Variants in IL31RA observed in about 807,000 individuals in gnomAD.
The protein encoded by IL31RA is interleukin 31 receptor A, also known as interleukin-31 receptor subunit alpha.
A neutral mutation model predicts 83.7 loss-of-function variants in IL31RA; 66 were observed. The ratio of observed to expected loss-of-function variants is 0.79; its 90% CI spans 0.65 to 0.97. IL31RA has a LOEUF of 0.97. Ranked by LOEUF, IL31RA falls within the 50% of genes least tolerant of loss-of-function variation. IL31RA has a pLI of 0.00. For missense variants in IL31RA, 798 were observed against 919.4 expected (o/e 0.87, Z 1.71); for synonymous variants, 325 against 329.0 (o/e 0.99, Z 0.13).
chr5:55,849,944 A>G (rs1200778663), upstream of IL31RA, among the ~76,000 whole-genome samples: 3 of 152,308 alleles, frequency 2.0e-5, no homozygotes, highest in Non-Finnish European at 4.4e-5. Context: ...TGGAAAATGC[A>G]GTTTCAAGAA....
chr5:55,857,236 C>G (rs1407733514), intron 1 of IL31RA, among the ~76,000 whole-genome samples: 1 of 152,098 alleles, frequency 6.6e-6, no homozygotes, highest in Non-Finnish European at 1.5e-5. Context: ...ATAGCTGAGA[C>G]TACAGGCACA....
rs1353872071 is a variant in IL31RA at position 55,920,275 on chromosome 5, A to T, written c.*3155A>T. On this transcript the variant is annotated 3_prime_UTR_variant, in exon 15 of 15. Coordinates refer to ENST00000652347, the MANE Select transcript of IL31RA (RefSeq NM_139017.7). ...GTGCTGGCCTGTCCACCCCAGTCTG[A>T]TTCTGTCCCCATTTCCAGCACGCCC... is the stretch of plus-strand genomic sequence containing the variant. 6.6e-6 allele frequency among the ~76,000 whole-genome samples: 1 copy of T among 152,164 alleles called. No homozygotes were observed. The highest frequency in any genetic ancestry group is 1.5e-5 in the Non-Finnish European group (1 of 68,024).
intron 8 of IL31RA, among the ~76,000 whole-genome samples, chr5:55,904,650 G>A (rs1002846354): frequency 1.3e-5 from 2 of 152,150 alleles, no homozygotes; most frequent in Non-Finnish European, 2.9e-5. Flanking sequence ...CCCCTGGAGT[G>A]TCTCATAAGG....
intron 4 of IL31RA, among the ~76,000 whole-genome samples, chr5:55,876,136 G>A (rs759219011): frequency 1.5e-4 from 23 of 152,136 alleles, no homozygotes; most frequent in Admixed American, 4.6e-4. Context: ...GGGCTGGCGC[G>A]GTGGCTCATG....
rs1405317744 is a variant in IL31RA at position 55,903,101 on chromosome 5, A to T, written c.1069+2969A>T. ...TTCCCCTCTTGGAATAAGGGCTTGG[A>T]ATGAGGTTCCTTCTGCTCAGCACGC... On this transcript the variant is annotated intron_variant, in intron 8 of 14. Coordinates refer to ENST00000652347, the MANE Select transcript of IL31RA (RefSeq NM_139017.7). The surrounding 1 kb of genome is among the most constrained non-coding windows in gnomAD (Gnocchi z 4.7). 1.3e-5 allele frequency among the ~76,000 whole-genome samples: 2 copies of T among 152,160 alleles called. No homozygotes were observed. Among genetic ancestry groups the T allele is most frequent in the Non-Finnish European group, 2.9e-5 (2 of 68,018 alleles).
In IL31RA at chr5:55,900,209, G is replaced by T. The variant is rs186598190; in HGVS notation, c.1069+77G>T. 2,894 of 1,043,740 alleles carry T rather than the reference G, an allele frequency of 2.8e-3. 8 individuals are homozygous for T. Among genetic ancestry groups the T allele is most frequent in the Middle Eastern group, 0.011 (48 of 4,196 alleles). The allele number at this position is 1,043,740 out of a possible 1,614,324, so 64.7% of individuals were successfully genotyped here. On this transcript the variant is annotated intron_variant, in intron 8 of 14. Transcript: ENST00000652347. ...AAGGAGCAGTCCCTGTGCTCTCAAG[G>T]GTGGCTGTTTCTCTTGAGTCAAAAT...
intron 7 of IL31RA, among the ~76,000 whole-genome samples, chr5:55,897,278 C>T (rs933080578): frequency 2.0e-5 from 3 of 151,138 alleles, no homozygotes; most frequent in African/African-American, 7.3e-5. Flanking sequence ...ATTGGTTGGC[C>T]AGCTCAAAAA....
chr5:55,909,588 T>TA lies in IL31RA; in HGVS notation c.1502-936dup, dbSNP rs201468259. Among the ~76,000 whole-genome samples, 788 of 152,188 alleles carry TA rather than the reference T, an allele frequency of 5.2e-3. 10 individuals are homozygous for TA. Among genetic ancestry groups the TA allele is most frequent in the African/African-American group, 0.018 (753 of 41,514 alleles). ...CTTGTCAATACGTGTTATTTTTCAT[T>TA]AAAAAAAATTATTATGGCTGTCCTG... On this transcript the variant is annotated intron_variant, in intron 11 of 14. Coordinates refer to ENST00000652347, the MANE Select transcript of IL31RA (RefSeq NM_139017.7).
At chr5:55,842,810 A>G in the IL31RA span, among the ~76,000 whole-genome samples, 1 of 152,134 alleles carries the variant, frequency 6.6e-6, no homozygotes, top group African/African-American at 2.4e-5. Flanking sequence ...ATTGCGTTGA[A>G]AGTCTGGGCT....
the IL31RA span, among the ~76,000 whole-genome samples, chr5:55,845,544 T>C: frequency 2.6e-5 from 4 of 152,182 alleles, no homozygotes; most frequent in Non-Finnish European, 5.9e-5. Context: ...AATTGGAACA[T>C]GGGGGCTATT....
At chr5:55,884,325 C>T (rs750728796) in intron 5 of IL31RA, among the ~76,000 whole-genome samples, 16 of 152,100 alleles carry the variant, frequency 1.1e-4, no homozygotes, top group Non-Finnish European at 2.2e-4. Context: ...TGCTTAATGC[C>T]TTTTGTGTCT....
At chr5:55,888,790 A>G (rs976247967) in intron 5 of IL31RA, among the ~76,000 whole-genome samples, 4 of 152,174 alleles carry the variant, frequency 2.6e-5, no homozygotes, top group East Asian at 1.9e-4. Flanking sequence ...CCTGGGATTT[A>G]GCCCCCAAAG....
intron 13 of IL31RA, 44 bp from the exon 14 acceptor site, chr5:55,914,803 C>A (rs747776370): frequency 1.5e-6 from 2 of 1,377,054 alleles, no homozygotes; most frequent in Non-Finnish European, 2.1e-6. Context: ...GGTGCTAATG[C>A]TTCTTGGATT....
At chr5:55,884,501 TG>T (rs1265475891) in intron 5 of IL31RA, among the ~76,000 whole-genome samples, 1 of 152,170 alleles carries the variant, frequency 6.6e-6, no homozygotes, top group Non-Finnish European at 1.5e-5. Context: ...GTGGTGTGAT[TG>T]CAGCTCATTG....
At chr5:55,846,010 CTT>C in the IL31RA span, among the ~76,000 whole-genome samples, 1 of 152,150 alleles carries the variant, frequency 6.6e-6, no homozygotes, top group Admixed American at 6.5e-5. Flanking sequence ...GTTTTTGACT[CTT>C]ATACTTGTCC....
At chr5:55,892,672 C>G (rs1748075042) in intron 6 of IL31RA, among the ~76,000 whole-genome samples, 1 of 152,166 alleles carries the variant, frequency 6.6e-6, no homozygotes, top group Non-Finnish European at 1.5e-5. Context: ...CTAGCTCTTC[C>G]CCTGCCATGG....
At chr5:55,867,652 G>A (rs991737450) in intron 2 of IL31RA, among the ~76,000 whole-genome samples, 4 of 151,902 alleles carry the variant, frequency 2.6e-5, no homozygotes, top group Admixed American at 6.6e-5. Flanking sequence ...CCATTTTCAC[G>A]CTGCTGATAA....
intron 5 of IL31RA, among the ~76,000 whole-genome samples, chr5:55,886,246 A>AGCTTGCTT (rs1201794429): frequency 1.1e-4 from 15 of 131,398 alleles, no homozygotes; most frequent in Admixed American, 3.0e-4. Flanking sequence ...CTCCTTAGCT[A>AGCTTGCTT]GCTTGCTTGC....
At chr5:55,889,336 C>T (rs1747836290) in intron 5 of IL31RA, among the ~76,000 whole-genome samples, 1 of 152,156 alleles carries the variant, frequency 6.6e-6, no homozygotes, top group African/African-American at 2.4e-5. Context: ...TCTTTCCTCC[C>T]CAAGAGAGTA....
Sources: gnomAD v4.1 joint callset for allele counts (sites outside exome capture counted in the v4.1 genomes callset) on GRCh38, gnomAD v4.1.1 for gene constraint, Gnocchi (gnomAD v3.1) non-coding constraint, MANE v1.5 for transcripts, NCBI Gene and HGNC (gene_info 2026-07-23, HGNC 2026-07-21) for gene names.